MAP3K7CL: variants seen among roughly 807,000 people sequenced by gnomAD.
The protein encoded by MAP3K7CL is MAP3K7 C-terminal-like protein.
In MAP3K7CL, 16 loss-of-function variants were observed where a neutral mutation model predicts 18.6. That is an observed-to-expected ratio of 0.86 (90% CI 0.58 to 1.31). MAP3K7CL has a LOEUF of 1.31. MAP3K7CL is among the 50% of genes most tolerant of loss of function. The pLI is 0.00. For synonymous variants in MAP3K7CL, 65 were observed against 66.8 expected (o/e 0.97, Z 0.13); for missense variants, 163 against 174.4 (o/e 0.93, Z 0.37).
At chr21:29,103,371 C>T (rs184156278) in intron 4 of MAP3K7CL, among the ~76,000 whole-genome samples, 44 of 151,724 alleles carry the variant, frequency 2.9e-4, no homozygotes, top group Admixed American at 1.4e-3. Flanking sequence ...GCAGGAGGAT[C>T]ACAGGAGCCC....
At chr21:29,174,290 A>G (rs1191452877) in intron 4 of MAP3K7CL, among the ~76,000 whole-genome samples, 1 of 152,356 alleles carries the variant, frequency 6.6e-6, no homozygotes, top group East Asian at 1.9e-4. Context: ...GATGTAGGAA[A>G]CAAAGGAAGA....
intron 4 of MAP3K7CL, among the ~76,000 whole-genome samples, chr21:29,163,351 A>G (rs540484919): frequency 1.5e-4 from 22 of 149,810 alleles, no homozygotes; most frequent in Non-Finnish European, 2.7e-4. Context: ...AAATTCTTTC[A>G]TTATATATAT....
chr21:29,112,780 T>A (rs964889626), intron 4 of MAP3K7CL, among the ~76,000 whole-genome samples: 9 of 152,154 alleles, frequency 5.9e-5, no homozygotes, highest in African/African-American at 2.2e-4. Flanking sequence ...ATTTCTTCAT[T>A]CTTCTGCCTT....
intron 4 of MAP3K7CL, among the ~76,000 whole-genome samples, chr21:29,107,682 T>C (rs1313790915): frequency 6.6e-6 from 1 of 152,130 alleles, no homozygotes; most frequent in Non-Finnish European, 1.5e-5. Context: ...AATAAAGTTA[T>C]GAAAAAAATA....
At chr21:29,101,599 G>T (rs1167728513) in intron 4 of MAP3K7CL, among the ~76,000 whole-genome samples, 1 of 151,884 alleles carries the variant, frequency 6.6e-6, no homozygotes, top group Non-Finnish European at 1.5e-5. Context: ...TAGTAGAGAC[G>T]TGGTTTCACT....
At position 29,138,159 on chromosome 21, in the gene MAP3K7CL, T is replaced by C. The variant is rs570383387; in HGVS notation, c.70+4745T>C. On this transcript the variant is annotated intron_variant, in intron 2 of 4. Transcript: ENST00000399928. ...GGTCCTTAAATAAAGGAAACAAGGTTTTGGAGAACACAAATATATATATAT... is the reference window on the plus strand; with the variant it reads ...GGTCCTTAAATAAAGGAAACAAGGTCTTGGAGAACACAAATATATATATAT... Among the ~76,000 whole-genome samples, 180 of 152,298 alleles carry C rather than the reference T, an allele frequency of 1.2e-3. 3 individuals are homozygous for C. The South Asian group carries it at 0.036, about 30-fold the overall frequency.
upstream of MAP3K7CL, among the ~76,000 whole-genome samples, chr21:29,125,887 A>C (rs561693242): frequency 6.6e-6 from 1 of 152,322 alleles, no homozygotes; most frequent in South Asian, 2.1e-4. Context: ...GCACTTTCTT[A>C]CCATGGCCTG....
At chr21:29,094,111 CA>C (rs916686363) in intron 4 of MAP3K7CL, among the ~76,000 whole-genome samples, 1 of 152,150 alleles carries the variant, frequency 6.6e-6, no homozygotes, top group Non-Finnish European at 1.5e-5. Flanking sequence ...CAACTGGGGG[CA>C]ATTTTTCCCC....
intron 4 of MAP3K7CL, among the ~76,000 whole-genome samples, chr21:29,110,047 C>G (rs192032169): frequency 6.8e-4 from 104 of 152,308 alleles, no homozygotes; most frequent in African/African-American, 2.4e-3. Context: ...ATTTCTGTGA[C>G]TATTAGTAAA....
chr21:29,127,957 A>G (rs1314614903), upstream of MAP3K7CL: 1 of 152,236 alleles, frequency 6.6e-6, no homozygotes, highest in Non-Finnish European at 1.5e-5. Context: ...CAGTGCAGAA[A>G]AGGAAGGTGC....
intron 4 of MAP3K7CL, among the ~76,000 whole-genome samples, chr21:29,096,675 A>G (rs751673045): frequency 4.6e-5 from 7 of 152,342 alleles, no homozygotes; most frequent in Non-Finnish European, 8.8e-5. Context: ...GACACATTTG[A>G]TTACAGGTGC....
At chr21:29,143,316 G>A (rs2087049704) in intron 2 of MAP3K7CL, among the ~76,000 whole-genome samples, 1 of 152,140 alleles carries the variant, frequency 6.6e-6, no homozygotes, top group Non-Finnish European at 1.5e-5. Flanking sequence ...TCCTGGGCAA[G>A]GCTGCCTCTT....
upstream of MAP3K7CL, among the ~76,000 whole-genome samples, chr21:29,083,775 T>G (rs904483147): frequency 1.3e-5 from 2 of 151,948 alleles, no homozygotes; most frequent in African/African-American, 4.8e-5. Context: ...AAAAAAATCC[T>G]TAGTGATTTT....
intron 1 of MAP3K7CL, among the ~76,000 whole-genome samples, chr21:29,089,871 AAG>A (rs934851040): frequency 7.2e-6 from 1 of 138,084 alleles, no homozygotes; most frequent in African/African-American, 3.5e-5. Flanking sequence ...GGAGGAAGGG[AAG>A]AGAGGGAGGG....
intron 2 of MAP3K7CL, among the ~76,000 whole-genome samples, chr21:29,147,488 T>C: frequency 6.6e-6 from 1 of 151,950 alleles, no homozygotes; most frequent in East Asian, 1.9e-4. Context: ...GTATCTGTAC[T>C]GTATACATGT....
intron 4 of MAP3K7CL, among the ~76,000 whole-genome samples, chr21:29,120,010 T>C (rs1373056252): frequency 6.6e-6 from 1 of 152,218 alleles, no homozygotes; most frequent in Non-Finnish European, 1.5e-5. Context: ...TATGGAACTT[T>C]AGGTTGGAAA....
chr21:29,154,383 C>A (rs1601251804), intron 3 of MAP3K7CL, among the ~76,000 whole-genome samples: 1 of 120,972 alleles, frequency 8.3e-6, no homozygotes, highest in East Asian at 2.2e-4. Flanking sequence ...GCTTCGAGAA[C>A]AATATGACTT....
chr21:29,078,402 T>C (rs1376424992), intron 1 of MAP3K7CL, among the ~76,000 whole-genome samples: 1 of 152,208 alleles, frequency 6.6e-6, no homozygotes, highest in Non-Finnish European at 1.5e-5. Flanking sequence ...TATACCCTTA[T>C]TCACTTTCTG....
In MAP3K7CL at chr21:29,131,651, A is replaced by C. The variant is rs187609633; in HGVS notation, c.-40+728A>C. Reference sequence around the variant, plus strand: ...TGGACAGTGGAGAGCTTTTTGGTGCATTGCTACTTGTAGTGCTAAATAAAT... The same window carrying C: ...TGGACAGTGGAGAGCTTTTTGGTGCCTTGCTACTTGTAGTGCTAAATAAAT... On this transcript the variant is annotated intron_variant, in intron 1 of 4. Coordinates refer to ENST00000399928, the MANE Select transcript of MAP3K7CL (RefSeq NM_001286620.2). 2.6e-5 allele frequency among the ~76,000 whole-genome samples: 4 copies of C among 152,322 alleles called. No individual in the cohort carries two copies. In the East Asian group the frequency reaches 5.8e-4, roughly 22 times the overall value.
Sources: allele counts gnomAD v4.1 joint callset (sites outside exome capture counted in the v4.1 genomes callset), GRCh38; gene constraint gnomAD v4.1.1; transcripts MANE v1.5; gene names NCBI Gene and HGNC (gene_info 2026-07-23, HGNC 2026-07-21).